VPS13D: variants seen among roughly 807,000 people sequenced by gnomAD.
VPS13D encodes intermembrane lipid transfer protein VPS13D.
Under a neutral mutation model 461.9 loss-of-function variants are expected in VPS13D, and 187 were observed. That is an observed-to-expected ratio of 0.40 (90% confidence interval 0.36 to 0.46). The LOEUF (loss-of-function observed/expected upper bound fraction) is 0.46, where lower values mean the gene tolerates loss of function less well. Among genes scored for constraint, VPS13D ranks in the 20% least tolerant of loss-of-function variants. The pLI is 0.60. For missense variants in VPS13D, 4,711 were observed against 5,364.9 expected (o/e 0.88, Z 3.81); for synonymous variants, 1,951 against 1,986.3 (o/e 0.98, Z 0.47).
At chr1:12,401,564 C>G (rs542151750) in intron 61 of VPS13D, 44 bp from the exon 62 acceptor site, 1 of 1,471,450 alleles carries the variant, frequency 6.8e-7, no homozygotes, top group East Asian at 2.3e-5. Flanking sequence ...GATGAATGTT[C>G]CTTCTGGTGT....
At chr1:12,250,165 A>G (rs78933337) in intron 6 of VPS13D, among the ~76,000 whole-genome samples, 4,687 of 152,352 alleles carry the variant, frequency 0.031, 183 homozygotes, top group Admixed American at 0.12. Context: ...ACCCCCCTCC[A>G]GTGTTCAGCA....
chr1:12,239,966 T>C (rs1174882595), intron 2 of VPS13D, among the ~76,000 whole-genome samples: 1 of 152,110 alleles, frequency 6.6e-6, no homozygotes, highest in Non-Finnish European at 1.5e-5. Flanking sequence ...TTTGGGTGTT[T>C]TTCTGCTTGG....
intron 60 of VPS13D, among the ~76,000 whole-genome samples, chr1:12,394,552 A>G (rs756669168): frequency 5.3e-5 from 8 of 152,178 alleles, no homozygotes; most frequent in Non-Finnish European, 1.2e-4. Context: ...TAGATCTGAC[A>G]TACAGAGAAA....
chr1:12,495,243 A>G lies in VPS13D; in HGVS notation c.12663-2257A>G, dbSNP rs1053972227. On this transcript the variant is annotated intron_variant, in intron 67 of 69. Transcript: ENST00000620676. The surrounding 1 kb of genome is among the most constrained non-coding windows in gnomAD (Gnocchi z 4.0). The stretch of plus-strand genomic sequence containing the variant: ...CGGCTCACTGCAAGCTCCGCCTCCC[A>G]GGTTCATGCCATTCTCCTGCCTCAG... Among the ~76,000 whole-genome samples the G allele has an allele frequency of 8.9e-5, 13 of 146,428 alleles. No individual in the cohort carries two copies. Among genetic ancestry groups the G allele is most frequent in the Admixed American group, 7.7e-4 (11 of 14,238 alleles).
Position 12,267,868 on chromosome 1 carries a change from A to C in VPS13D, c.1749A>C (p.Ser583=), listed in dbSNP as rs370409739. ...PNPQKEVGRV[S]QSFGLQTTSA... is the part of the protein sequence containing the mutation. ...AGCAAAAAGAAGTTGGCAGAGTCTC[A>C]CAATCTTTTGGTCTACAAACTACAT... The change falls in exon 15 of 70, where the codon TCA becomes TCC. Residue 583 remains serine, a synonymous_variant. Coordinates refer to ENST00000620676, the MANE Select transcript of VPS13D (RefSeq NM_015378.4). 1.5e-4 allele frequency: 247 copies of C among 1,614,072 alleles called. No individual in the cohort carries two copies. The highest frequency in any genetic ancestry group is 1.9e-4 in the Non-Finnish European group (224 of 1,180,020).
chr1:12,324,899 G>T (rs1183357432), intron 35 of VPS13D, among the ~76,000 whole-genome samples: 2 of 152,164 alleles, frequency 1.3e-5, no homozygotes, highest in African/African-American at 4.8e-5. Context: ...GATTGGTTAG[G>T]TAAAACTTCT....
At chr1:12,419,895 C>T (rs1368976791) in intron 65 of VPS13D, among the ~76,000 whole-genome samples, 3 of 152,128 alleles carry the variant, frequency 2.0e-5, no homozygotes, top group Non-Finnish European at 4.4e-5. Flanking sequence ...CAGCCTATTC[C>T]ACACCTCGGC....
intron 60 of VPS13D, among the ~76,000 whole-genome samples, chr1:12,389,870 A>G (rs921818139): frequency 2.0e-5 from 3 of 152,200 alleles, no homozygotes; most frequent in African/African-American, 4.8e-5. Flanking sequence ...TGGTAATCCT[A>G]AGAGATGCCC....
rs1557684896 is a variant in VPS13D at position 12,283,426 on chromosome 1, T to C, written c.5324T>C (p.Val1775Ala). The C allele has an allele frequency of 1.2e-6, 2 of 1,614,224 alleles. No homozygotes were observed. The highest frequency in any genetic ancestry group is 1.7e-6 in the Non-Finnish European group (2 of 1,180,032). Residue 1775 changes from valine to alanine, a missense_variant, in exon 21 of 70, where the codon GTT becomes GCT. This residue lies in a region of VPS13D where 4,411 missense variants were observed against 4,937.8 expected (regional missense o/e 0.89). Coordinates refer to ENST00000620676, the MANE Select transcript of VPS13D (RefSeq NM_015378.4). Reference sequence around the variant, plus strand: ...ACAGTGGATGAGCCCAAGATACTTGTTGGAAAGAGTAAATTTGATGATTCC... The same window carrying C: ...ACAGTGGATGAGCCCAAGATACTTGCTGGAAAGAGTAAATTTGATGATTCC... ...SPTVDEPKIL[V>A]GKSKFDDSLV...
At position 12,318,214 on chromosome 1, in the gene VPS13D, C is replaced by T. The variant is rs992145980; in HGVS notation, c.7291C>T (p.His2431Tyr). The T allele has an allele frequency of 6.2e-7, 1 of 1,614,068 alleles. No individual in the cohort carries two copies. Among genetic ancestry groups the T allele is most frequent in the East Asian group, 2.2e-5 (1 of 44,900 alleles). ...ACAAAATCATGTTACTCCTTCTCGC[C>T]ACCGTAACTCTAGCAGCGAATCTGC... ...KKQNHVTPSR[H>Y]RNSSSESAIV... The change falls in exon 31 of 70, where the codon CAC (histidine) becomes TAC (tyrosine). Residue 2431 changes from histidine to tyrosine, a missense_variant. This residue lies in a region of VPS13D where 4,411 missense variants were observed against 4,937.8 expected (regional missense o/e 0.89). Coordinates refer to ENST00000620676, the MANE Select transcript of VPS13D (RefSeq NM_015378.4).
At chr1:12,340,542 T>C (rs1382853494) in intron 40 of VPS13D, among the ~76,000 whole-genome samples, 7 of 152,214 alleles carry the variant, frequency 4.6e-5, no homozygotes, top group Admixed American at 4.6e-4. Context: ...CCAGCCTCAG[T>C]CTGGAGGTTG....
chr1:12,322,730 C>G lies in VPS13D; in HGVS notation c.7899C>G (p.Thr2633=). 6.2e-7 allele frequency: 1 copy of G among 1,614,092 alleles called. No individual in the cohort carries two copies. The highest frequency in any genetic ancestry group is 1.1e-5 in the South Asian group (1 of 91,066). The change falls in exon 34 of 70, where the codon ACC becomes ACG. Residue 2633 remains threonine (T), a synonymous_variant. Coordinates refer to ENST00000620676, the MANE Select transcript of VPS13D (RefSeq NM_015378.4). ...GEEIREGTRH[T]LDPVLELQLA... The stretch of plus-strand genomic sequence containing the variant: ...AAATCAGAGAAGGGACAAGACACAC[C>G]TTAGATCCTGTCTTGGGTAGGTGTT...
At chr1:12,271,867 T>TG (rs1213093749) in intron 17 of VPS13D, among the ~76,000 whole-genome samples, 1 of 152,068 alleles carries the variant, frequency 6.6e-6, no homozygotes, top group Non-Finnish European at 1.5e-5. Context: ...GAGGATGCCA[T>TG]AGATAGGGAG....
Position 12,507,364 on chromosome 1 carries a change from C to G in VPS13D, c.13035+271C>G, listed in dbSNP as rs1306944928. 1.5e-6 allele frequency: 1 copy of G among 681,030 alleles called. No homozygotes were observed. The highest frequency in any genetic ancestry group is 1.8e-5 in the Admixed American group (1 of 56,306). The allele number at this position is 681,030 out of a possible 1,614,324, so 42.2% of individuals were successfully genotyped here. ...TTACCCGTAGATGTAGTGAGGGTAA[C>G]AATACTTACTCTCGTTGGTGATAAG... On this transcript the variant is annotated intron_variant, in intron 69 of 69. Transcript: ENST00000620676. This position sits in a 1 kb window ranked among gnomAD's most constrained non-coding sequence, Gnocchi z 5.3.
intron 8 of VPS13D, 119 bp from the exon 9 acceptor site, chr1:12,256,868 C>A: frequency 9.4e-7 from 1 of 1,068,648 alleles, no homozygotes; most frequent in Non-Finnish European, 1.4e-6. Context: ...TTTCAGTTTG[C>A]ACTGGGTTTC....
chr1:12,295,081 G>A (rs530677966), intron 24 of VPS13D, among the ~76,000 whole-genome samples: 2 of 151,234 alleles, frequency 1.3e-5, no homozygotes, highest in African/African-American at 2.5e-5. Context: ...AATTAGCCGG[G>A]TGTGGTGAGG....
Position 12,342,518 on chromosome 1 carries a change from C to T in VPS13D, c.8733-381C>T, listed in dbSNP as rs548341324. On this transcript the variant is annotated intron_variant, in intron 41 of 69. Coordinates refer to ENST00000620676, the MANE Select transcript of VPS13D (RefSeq NM_015378.4). ...CCATTGATTTGAAATCACATTTCTCCGACCTCCCCCAAGTATGAGACTGCT... is the reference window on the plus strand; with the variant it reads ...CCATTGATTTGAAATCACATTTCTCTGACCTCCCCCAAGTATGAGACTGCT... 3.3e-5 allele frequency among the ~76,000 whole-genome samples: 5 copies of T among 152,282 alleles called. No individual in the cohort carries two copies. The South Asian group carries it at 1.0e-3, about 32-fold the overall frequency.
intron 26 of VPS13D, among the ~76,000 whole-genome samples, chr1:12,305,956 GTTT>G (rs1642550857): frequency 6.6e-6 from 1 of 151,862 alleles, no homozygotes; most frequent in Admixed American, 6.6e-5. Context: ...CTCCTGCAGG[GTTT>G]TTATTTTTCT....
chr1:12,490,373 C>G (rs1049798235), intron 67 of VPS13D, among the ~76,000 whole-genome samples: 2 of 152,216 alleles, frequency 1.3e-5, no homozygotes, highest in African/African-American at 4.8e-5. Flanking sequence ...GTGTATTTCT[C>G]TTTCTCTTGA....
Sources: allele counts gnomAD v4.1 joint callset (sites outside exome capture counted in the v4.1 genomes callset), GRCh38; gene constraint gnomAD v4.1.1; regional missense constraint gnomAD v4.1.1; non-coding constraint Gnocchi (gnomAD v3.1); transcripts MANE v1.5; gene names NCBI Gene and HGNC (gene_info 2026-07-23, HGNC 2026-07-21).